Variants in CD276 observed in about 807,000 individuals in gnomAD.
CD276 encodes the protein CD276 antigen.
A neutral mutation model predicts 50.0 loss-of-function variants in CD276; 34 were observed. That is an observed-to-expected ratio of 0.68 (90% CI 0.52 to 0.91). The LOEUF (loss-of-function observed/expected upper bound fraction) is 0.91. CD276 is among the 40% of genes least tolerant of loss of function. CD276 has a pLI of 0.00. For missense variants in CD276, 634 were observed against 717.5 expected (o/e 0.88, Z 1.33); for synonymous variants, 275 against 313.0 (o/e 0.88, Z 1.28).
rs1020698241 is a variant in CD276 at position 73,699,870 on chromosome 15, C to A, written c.79+152C>A. ...CCTGTGGGATCCAGTAGGCAACTCACGTTACTGTTCTTAGCCTCCATTTCC... is the reference window on the plus strand; with the variant it reads ...CCTGTGGGATCCAGTAGGCAACTCAAGTTACTGTTCTTAGCCTCCATTTCC... On this transcript the variant is annotated intron_variant, in intron 2 of 9. Coordinates refer to ENST00000318443, the MANE Select transcript of CD276 (RefSeq NM_001024736.2). 9 of 842,294 alleles carry A rather than the reference C, an allele frequency of 1.1e-5. No individual in the cohort carries two copies. In the African/African-American group the frequency reaches 1.6e-4, roughly 15 times the overall value. 52.2% of individuals were successfully genotyped at this position (842,294 alleles called of 1,614,324 possible). A position where few individuals can be genotyped will look rare whatever the true frequency, so the allele number is the denominator to read the frequency against.
At chr15:73,710,189 C>T (rs1020409976) in intron 8 of CD276, among the ~76,000 whole-genome samples, 2 of 152,166 alleles carry the variant, frequency 1.3e-5, no homozygotes, top group African/African-American at 4.8e-5. Context: ...TATCTAGTGC[C>T]AAGTGCTTAA....
chr15:73,709,124 T>C (rs1900777314), intron 7 of CD276, among the ~76,000 whole-genome samples: 1 of 151,430 alleles, frequency 6.6e-6, no homozygotes, highest in South Asian at 2.1e-4. Flanking sequence ...GGTAGACAGG[T>C]GGAAGGATGA....
chr15:73,711,045 T>G, intron 8 of CD276, 90 bp from the exon 9 acceptor site: 1 of 1,394,660 alleles, frequency 7.2e-7, no homozygotes, highest in Non-Finnish European at 1.0e-6. Context: ...TCCCGCCCCT[T>G]CCAGCCCTCA....
chr15:73,710,018 G>T (rs571495048), intron 8 of CD276, among the ~76,000 whole-genome samples: 1 of 152,308 alleles, frequency 6.6e-6, no homozygotes, highest in Non-Finnish European at 1.5e-5. Context: ...AGGGAGTCTG[G>T]GTTTAAGTTC....
chr15:73,706,880 A>T (rs1252372471), intron 6 of CD276, among the ~76,000 whole-genome samples: 1 of 152,208 alleles, frequency 6.6e-6, no homozygotes, highest in Non-Finnish European at 1.5e-5. Flanking sequence ...GGGAACATAG[A>T]GACCCTCTGC....
chr15:73,695,441 AG>A (rs906453363), intron 1 of CD276, among the ~76,000 whole-genome samples: 36 of 152,110 alleles, frequency 2.4e-4, no homozygotes, highest in African/African-American at 8.5e-4. Context: ...CATGCCTCTG[AG>A]GTGCCTCCAA....
At chr15:73,694,892 C>T (rs1438863361) in intron 1 of CD276, among the ~76,000 whole-genome samples, 3 of 152,126 alleles carry the variant, frequency 2.0e-5, no homozygotes, top group African/African-American at 4.8e-5. Context: ...CCCTGTTACT[C>T]GGGAGGCTGA....
At chr15:73,696,686 A>C (rs369672361) in intron 1 of CD276, among the ~76,000 whole-genome samples, 7 of 152,170 alleles carry the variant, frequency 4.6e-5, no homozygotes, top group East Asian at 1.9e-4. Context: ...GTACCTGCCC[A>C]GAGTGGCAGG....
rs1048992700 is a variant in CD276, at chr15:73,714,073, C to A, written c.*1117C>A. 2 of 290,940 alleles carry A rather than the reference C, an allele frequency of 6.9e-6. No homozygotes were observed. The highest frequency in any genetic ancestry group is 2.4e-5 in the African/African-American group (1 of 42,364). 18.0% of individuals were successfully genotyped at this position (290,940 alleles called of 1,614,324 possible). A position where few individuals can be genotyped will look rare whatever the true frequency, so the allele number is the denominator to read the frequency against. On this transcript the variant is annotated 3_prime_UTR_variant, in exon 10 of 10. Coordinates refer to ENST00000318443, the MANE Select transcript of CD276 (RefSeq NM_001024736.2). ...ACCCCCATCCCACCCATAATTCTTACCCAGAGCATGGGGTTGGGGCGGAAA... is the reference window on the plus strand; with the variant it reads ...ACCCCCATCCCACCCATAATTCTTAACCAGAGCATGGGGTTGGGGCGGAAA...
At position 73,693,972 on chromosome 15, in the gene CD276, T is replaced by C. The variant is rs117442796; in HGVS notation, c.-54-5614T>C. On this transcript the variant is annotated intron_variant, in intron 1 of 9. Coordinates refer to ENST00000318443, the MANE Select transcript of CD276 (RefSeq NM_001024736.2). ...TTAATTTCTGCAGTTTCCCCAGAATTTGTTCTCATGGCATCATCTCCCTCA... is the reference window on the plus strand; with the variant it reads ...TTAATTTCTGCAGTTTCCCCAGAATCTGTTCTCATGGCATCATCTCCCTCA... Among the ~76,000 whole-genome samples the C allele has an allele frequency of 3.2e-3, 482 of 152,248 alleles. 3 individuals carry two copies. The highest frequency in any genetic ancestry group is 5.6e-3 in the Non-Finnish European group (383 of 68,006).
intron 1 of CD276, among the ~76,000 whole-genome samples, chr15:73,699,210 C>A (rs919021642): frequency 6.6e-6 from 1 of 152,188 alleles, no homozygotes; most frequent in African/African-American, 2.4e-5. Context: ...AGTCTGGCCC[C>A]CACAGGAGCT....
Position 73,713,970 on chromosome 15 carries a change from C to T in CD276, c.*1014C>T. 3.0e-6 allele frequency: 1 copy of T among 329,940 alleles called. No individual in the cohort carries two copies. Among genetic ancestry groups the T allele is most frequent in the Non-Finnish European group, 5.7e-6 (1 of 175,574 alleles). The allele number at this position is 329,940 out of a possible 1,614,324, so 20.4% of individuals were successfully genotyped here. ...GAGACAGACAACTAACTACACTGCA[C>T]CCTGCGGTTTGCAGGGGGCTCCTGC... On this transcript the variant is annotated 3_prime_UTR_variant, in exon 10 of 10. Transcript: ENST00000318443.
At chr15:73,699,001 A>G (rs1900274976) in intron 1 of CD276, among the ~76,000 whole-genome samples, 1 of 152,332 alleles carries the variant, frequency 6.6e-6, no homozygotes, top group Non-Finnish European at 1.5e-5. Context: ...ACTCATAGAA[A>G]AACCCAAATT....
At chr15:73,696,334 C>G (rs932395081) in intron 1 of CD276, among the ~76,000 whole-genome samples, 1 of 152,082 alleles carries the variant, frequency 6.6e-6, no homozygotes, top group African/African-American at 2.4e-5. Flanking sequence ...GCTCTGGGTC[C>G]CGGGCCGACC....
intron 1 of CD276, among the ~76,000 whole-genome samples, chr15:73,692,193 T>C (rs1229482773): frequency 6.6e-6 from 1 of 152,210 alleles, no homozygotes; most frequent in African/African-American, 2.4e-5. Flanking sequence ...TCTCCTCCTC[T>C]GTGCAGTCCT....
At chr15:73,697,270 T>C (rs1900213550) in intron 1 of CD276, among the ~76,000 whole-genome samples, 2 of 151,626 alleles carry the variant, frequency 1.3e-5, no homozygotes, top group Admixed American at 1.3e-4. Context: ...GCTTCCCCAC[T>C]GTAGACAGCT....
intron 7 of CD276, among the ~76,000 whole-genome samples, chr15:73,709,257 T>G (rs1900785187): frequency 6.6e-6 from 1 of 151,962 alleles, no homozygotes. Context: ...GGTCTTTGGC[T>G]GGGTGTGTGG....
intron 1 of CD276, among the ~76,000 whole-genome samples, chr15:73,688,023 C>G (rs372850763): frequency 2.6e-5 from 4 of 152,094 alleles, no homozygotes; most frequent in African/African-American, 9.7e-5. Flanking sequence ...GGAACTGTGA[C>G]CAAGCATCTG....
chr15:73,690,981 A>C (rs201152859), intron 1 of CD276, among the ~76,000 whole-genome samples: 1 of 91,586 alleles, frequency 1.1e-5, no homozygotes, highest in African/African-American at 3.2e-5. Context: ...ATGCTTTTAT[A>C]TTAATAGCAA....
Sources: gnomAD v4.1 joint callset for allele counts (sites outside exome capture counted in the v4.1 genomes callset) on GRCh38, gnomAD v4.1.1 for gene constraint, MANE v1.5 for transcripts, NCBI Gene and HGNC (gene_info 2026-07-23, HGNC 2026-07-21) for gene names.